Variants in SHANK2 observed in about 807,000 individuals in gnomAD.
SHANK2 encodes the protein SH3 and multiple ankyrin repeat domains 2.
A neutral mutation model predicts 133.7 loss-of-function variants in SHANK2; 43 were observed. That is an observed-to-expected ratio of 0.32 (90% CI 0.25 to 0.41). The LOEUF (loss-of-function observed/expected upper bound fraction) is 0.41, where lower values mean the gene tolerates loss of function less well. Among genes scored for constraint, SHANK2 ranks in the 10% least tolerant of loss-of-function variants. The pLI, the probability that SHANK2 is intolerant of heterozygous loss-of-function variation, is 1.00. For missense variants in SHANK2, 1,994 were observed against 2,235.8 expected (o/e 0.89, Z 2.18); for synonymous variants, 1,017 against 952.8 (o/e 1.07, Z -1.24).
At chr11:71,135,020 C>T (rs11822962) in intron 3 of SHANK2, among the ~76,000 whole-genome samples, 4,476 of 152,216 alleles carry the variant, frequency 0.029, 204 homozygotes, top group African/African-American at 0.098. Context: ...GGACGCCCAC[C>T]GCCCACCTCT....
chr11:71,146,559 C>T (rs1952649800), intron 3 of SHANK2, among the ~76,000 whole-genome samples: 1 of 152,204 alleles, frequency 6.6e-6, no homozygotes, highest in Non-Finnish European at 1.5e-5. Flanking sequence ...AGCCTGAGGG[C>T]TCTGGGCGGC....
intron 9 of SHANK2, among the ~76,000 whole-genome samples, chr11:71,058,947 G>C (rs1397639175): frequency 6.6e-6 from 1 of 152,248 alleles, no homozygotes; most frequent in Non-Finnish European, 1.5e-5. Context: ...GGGCGCGGTG[G>C]CTCACGTCTG....
intron 14 of SHANK2, among the ~76,000 whole-genome samples, chr11:70,726,103 T>C (rs575813915): frequency 5.9e-5 from 9 of 152,316 alleles, no homozygotes; most frequent in African/African-American, 1.7e-4. Flanking sequence ...ACTTGGTAAG[T>C]GCATTGAGGA....
intron 2 of SHANK2, among the ~76,000 whole-genome samples, chr11:71,214,965 T>C (rs1006369669): frequency 6.6e-6 from 1 of 152,138 alleles, no homozygotes; most frequent in African/African-American, 2.4e-5. Context: ...GAGAACAGAA[T>C]AGGGCTGCGT....
intron 24 of SHANK2, among the ~76,000 whole-genome samples, chr11:70,488,082 C>T (rs1386122809): frequency 2.6e-5 from 4 of 152,126 alleles, no homozygotes; most frequent in Non-Finnish European, 5.9e-5. Context: ...GCTGCTTGTG[C>T]GTGTGTGTGT....
At chr11:70,650,555 C>G (rs924672010) in intron 17 of SHANK2, among the ~76,000 whole-genome samples, 2 of 152,230 alleles carry the variant, frequency 1.3e-5, no homozygotes, top group Non-Finnish European at 2.9e-5. Context: ...CTCTGTGCAG[C>G]TGTACAGCCA....
chr11:70,597,693 C>A (rs782813618), intron 17 of SHANK2, among the ~76,000 whole-genome samples: 1 of 152,052 alleles, frequency 6.6e-6, no homozygotes, highest in Non-Finnish European at 1.5e-5. Flanking sequence ...GCCAACATGG[C>A]GAAACCTCAT....
intron 14 of SHANK2, among the ~76,000 whole-genome samples, chr11:70,780,437 C>G (rs1375771867): frequency 6.6e-6 from 1 of 152,120 alleles, no homozygotes; most frequent in African/African-American, 2.4e-5. Context: ...ATGAGTTTTT[C>G]CAAATTGGAG....
At chr11:70,747,410 C>T (rs115676747) in intron 14 of SHANK2, among the ~76,000 whole-genome samples, 45 of 152,318 alleles carry the variant, frequency 3.0e-4, no homozygotes, top group African/African-American at 1.1e-3. Context: ...CATGGCCTGA[C>T]ATTCTCAGGC....
At chr11:71,098,336 G>A (rs1555095979) in intron 6 of SHANK2, among the ~76,000 whole-genome samples, 1 of 152,200 alleles carries the variant, frequency 6.6e-6, no homozygotes, top group East Asian at 1.9e-4. Flanking sequence ...TGTGCTCCTA[G>A]GTGCATCCTA....
intron 5 of SHANK2, among the ~76,000 whole-genome samples, chr11:71,110,601 G>C (rs1403084305): frequency 6.6e-6 from 1 of 152,118 alleles, no homozygotes; most frequent in Non-Finnish European, 1.5e-5. Flanking sequence ...TCTCAAAAAA[G>C]AAAAACAAAT....
chr11:71,181,832 C>A (rs1187524046), intron 2 of SHANK2, among the ~76,000 whole-genome samples: 1 of 152,040 alleles, frequency 6.6e-6, no homozygotes, highest in Non-Finnish European at 1.5e-5. Flanking sequence ...CCCCCCCTCC[C>A]CCGCCAACCC....
chr11:70,886,716 CA>C (rs35225243), intron 11 of SHANK2, among the ~76,000 whole-genome samples: 26,424 of 151,418 alleles, frequency 0.17, 2,742 homozygotes, highest in Middle Eastern at 0.24. Context: ...CACACACACA[CA>C]CACACCCCTA....
At chr11:70,492,211 G>A in intron 22 of SHANK2, 124 bp downstream of exon 22, 1 of 1,415,192 alleles carries the variant, frequency 7.1e-7, no homozygotes. Flanking sequence ...TTAGATTTGG[G>A]CCCCACCTCT....
At chr11:70,651,491 CTCTG>C (rs1693449526) in intron 17 of SHANK2, among the ~76,000 whole-genome samples, 1 of 152,206 alleles carries the variant, frequency 6.6e-6, no homozygotes, top group African/African-American at 2.4e-5. Context: ...GAGCAGTGGC[CTCTG>C]TCTGGGAGAA....
At chr11:70,584,846 C>G (rs1326811792) in intron 17 of SHANK2, among the ~76,000 whole-genome samples, 1 of 152,234 alleles carries the variant, frequency 6.6e-6, no homozygotes, top group African/African-American at 2.4e-5. Flanking sequence ...GTACACAGGA[C>G]CTGCCTGACA....
At chr11:70,542,486 G>T (rs995140379) in intron 17 of SHANK2, among the ~76,000 whole-genome samples, 4 of 152,158 alleles carry the variant, frequency 2.6e-5, no homozygotes, top group Non-Finnish European at 5.9e-5. Context: ...TCTGGCCTCC[G>T]AACTGTGAGA....
intron 11 of SHANK2, among the ~76,000 whole-genome samples, chr11:70,825,686 C>T (rs1948626555): frequency 6.6e-6 from 1 of 152,104 alleles, no homozygotes; most frequent in Admixed American, 6.5e-5. Flanking sequence ...CCTCATTTCT[C>T]TAAAGTCATA....
chr11:70,668,934 G>A (rs1944738700), intron 15 of SHANK2: 1 of 152,328 alleles, frequency 6.6e-6, no homozygotes. Context: ...TGACGCACAA[G>A]TGCAGGTGTC....
Sources: gnomAD v4.1 joint callset for allele counts (sites outside exome capture counted in the v4.1 genomes callset) on GRCh38, gnomAD v4.1.1 for gene constraint, MANE v1.5 for transcripts, NCBI Gene and HGNC (gene_info 2026-07-23, HGNC 2026-07-21) for gene names.